CASK: variants seen among roughly 807,000 people sequenced by gnomAD.
CASK encodes the protein calcium/calmodulin dependent serine protein kinase, also known as peripheral plasma membrane protein CASK.
CASK carries 4 observed loss-of-function variants against 82.9 expected under a neutral mutation model. The ratio of observed to expected loss-of-function variants is 0.05; its 90% CI spans 0.02 to 0.11. The LOEUF (loss-of-function observed/expected upper bound fraction) is 0.11, where lower values mean the gene tolerates loss of function less well. CASK is among the 10% of genes least tolerant of loss of function. CASK has a pLI of 1.00. For missense variants in CASK, 358 were observed against 720.9 expected (o/e 0.50, Z 5.76); for synonymous variants, 259 against 253.5 (o/e 1.02, Z -0.20).
intron 1 of CASK, among the ~76,000 whole-genome samples, chrX:41,921,590 T>G (rs2072781879): frequency 9.0e-6 from 1 of 111,473 alleles, no homozygotes; most frequent in Non-Finnish European, 1.9e-5. Context: ...ATTTGGATAC[T>G]TTCCTTTTAA....
chrX:41,517,751 G>T lies in CASK; in HGVS notation c.*2669C>A, dbSNP rs1338792031. 4.2e-6 allele frequency: 3 copies of T among 713,596 alleles called. No individual in the cohort carries two copies. Among genetic ancestry groups the T allele is most frequent in the Non-Finnish European group, 6.3e-6 (3 of 474,056 alleles). The allele number at this position is 713,596 out of a possible 1,213,427, so 58.8% of individuals were successfully genotyped here. The stretch of plus-strand genomic sequence containing the variant: ...AGCAATTTTCTCTGATTGCTTAGTG[G>T]ACAATTGTAATGTAGCAGTAGCAGC... On this transcript the variant is annotated 3_prime_UTR_variant, in exon 27 of 27. Coordinates refer to ENST00000378163, the MANE Select transcript of CASK (RefSeq NM_001367721.1).
intron 12 of CASK, among the ~76,000 whole-genome samples, 153 bp downstream of exon 12, chrX:41,609,751 G>A (rs2066015909): frequency 9.2e-6 from 1 of 108,985 alleles, no homozygotes; most frequent in Non-Finnish European, 1.9e-5. Flanking sequence ...TAGAGACCAC[G>A]TTTCACCATG....
intron 5 of CASK, among the ~76,000 whole-genome samples, chrX:41,723,165 T>C (rs2068197378): frequency 8.9e-6 from 1 of 112,378 alleles, no homozygotes; most frequent in Non-Finnish European, 1.9e-5. Context: ...AAGGTAAGCA[T>C]TGCGGGTTTA....
At chrX:41,660,824 A>G (rs775772804) in intron 7 of CASK, among the ~76,000 whole-genome samples, 15 of 112,386 alleles carry the variant, frequency 1.3e-4, no homozygotes, top group Non-Finnish European at 2.6e-4. Context: ...ATTGAAGACT[A>G]GAATGTTCAT....
chrX:41,660,217 C>T (rs2067011486), intron 8 of CASK: 1 of 446,460 alleles, frequency 2.2e-6, no homozygotes, highest in Non-Finnish European at 3.9e-6. Context: ...CTGTCTTAAT[C>T]CTGTTTTTTA....
At position 41,576,498 on chromosome X, in the gene CASK, C is replaced by T. The variant is rs745888843; in HGVS notation, c.1503+1842G>A. Among the ~76,000 whole-genome samples the T allele has an allele frequency of 4.6e-4, 51 of 111,441 alleles. 1 individual carries two copies. The highest frequency in any genetic ancestry group is 4.3e-3 in the Admixed American group (45 of 10,432). On this transcript the variant is annotated intron_variant, in intron 15 of 26. Coordinates refer to ENST00000378163, the MANE Select transcript of CASK (RefSeq NM_001367721.1). The stretch of plus-strand genomic sequence containing the variant: ...TCATAACTGGGCTTGTTAAGTAAAC[C>T]GTGCTAAGCTACAAATTTACTTGTT...
At chrX:41,615,099 C>A (rs2066171140) in intron 11 of CASK, among the ~76,000 whole-genome samples, 1 of 111,985 alleles carries the variant, frequency 8.9e-6, no homozygotes, top group Admixed American at 9.5e-5. Flanking sequence ...AGCCACCATG[C>A]CCGGCTGGAT....
chrX:41,741,174 C>T (rs952384478), intron 4 of CASK, among the ~76,000 whole-genome samples: 2 of 111,678 alleles, frequency 1.8e-5, no homozygotes, highest in Non-Finnish European at 3.8e-5. Context: ...TGAGCCACCA[C>T]GCCTGGCCAT....
rs147770877 is a variant in CASK, at chrX:41,713,150, C to T, written c.429+26234G>A. ...GCAAGATGAACCCACTGGACAGTTA[C>T]ACAACCTGTGGTTATCAAGAAGGGT... On this transcript the variant is annotated intron_variant, in intron 5 of 26. Coordinates refer to ENST00000378163, the MANE Select transcript of CASK (RefSeq NM_001367721.1). 1.2e-3 allele frequency among the ~76,000 whole-genome samples: 134 copies of T among 112,192 alleles called. 1 individual carries two copies. The highest frequency in any genetic ancestry group is 9.2e-3 in the Middle Eastern group (2 of 217).
rs1312313652 is a variant in CASK at position 41,842,202 on chromosome X, A to G, written c.172+10913T>C. Among the ~76,000 whole-genome samples, 3 of 111,577 alleles carry G rather than the reference A, an allele frequency of 2.7e-5. No individual in the cohort carries two copies. In the East Asian group the frequency reaches 8.4e-4, roughly 31 times the overall value. ...TGTAAATATATGGATTTACTACTGG[A>G]TTGTTAATTCAATTTCATCAATCTA... is the stretch of plus-strand genomic sequence containing the variant. On this transcript the variant is annotated intron_variant, in intron 2 of 26. Transcript: ENST00000378163.
chrX:41,918,308 G>T (rs935199339), intron 1 of CASK, among the ~76,000 whole-genome samples: 2 of 111,819 alleles, frequency 1.8e-5, no homozygotes, highest in African/African-American at 6.5e-5. Context: ...TATACTTTAC[G>T]TATTATTAAT....
intron 5 of CASK, among the ~76,000 whole-genome samples, chrX:41,717,143 GTCCAGC>G (rs1048900763): frequency 4.5e-5 from 5 of 111,219 alleles, no homozygotes; most frequent in Admixed American, 9.6e-5. Context: ...CGATTGTGTG[GTCCAGC>G]TCCATCCAAT....
At chrX:41,573,452 T>C (rs752672412) in intron 15 of CASK, among the ~76,000 whole-genome samples, 1 of 110,931 alleles carries the variant, frequency 9.0e-6, no homozygotes, top group Non-Finnish European at 1.9e-5. Flanking sequence ...CAATTAACCA[T>C]GTATTAGGCT....
intron 12 of CASK, among the ~76,000 whole-genome samples, chrX:41,604,164 T>C (rs1234778887): frequency 3.7e-5 from 4 of 108,522 alleles, no homozygotes; most frequent in South Asian, 4.1e-4. Context: ...TTTGTGTAAT[T>C]TGCACTCACA....
intron 22 of CASK, among the ~76,000 whole-genome samples, chrX:41,538,838 G>A (rs2064910342): frequency 8.9e-6 from 1 of 111,756 alleles, no homozygotes; most frequent in African/African-American, 3.3e-5. Context: ...GGTAGCATTG[G>A]GTTAAGGAGT....
At chrX:41,537,818 T>TTTATTA (rs55857120) in intron 22 of CASK, among the ~76,000 whole-genome samples, 19,418 of 95,197 alleles carry the variant, frequency 0.2, 2,158 homozygotes, top group Non-Finnish European at 0.28. Flanking sequence ...GCCTATTACT[T>TTTATTA]TTATTATTAT....
At position 41,559,855 on chromosome X, in the gene CASK, G is replaced by T; in HGVS notation, c.1669-8C>A. 1 of 1,198,799 alleles carries T rather than the reference G, an allele frequency of 8.3e-7. No homozygotes were observed. The highest frequency in any genetic ancestry group is 3.0e-5 in the East Asian group (1 of 33,808). ...ACTCCCCCGCATTTCCCTCTGGAGG[G>T]GGGGTGGTGGGAAAGAAAGAAAAGT... On this transcript the variant is annotated splice_region_variant and splice_polypyrimidine_tract_variant and intron_variant, in intron 17 of 26. Coordinates refer to ENST00000378163, the MANE Select transcript of CASK (RefSeq NM_001367721.1).
chrX:41,837,858 C>A (rs1183779759), intron 2 of CASK, among the ~76,000 whole-genome samples: 1 of 111,619 alleles, frequency 9.0e-6, no homozygotes, highest in Non-Finnish European at 1.9e-5. Flanking sequence ...TGTACATTTC[C>A]CAGGAGTACA....
intron 5 of CASK, among the ~76,000 whole-genome samples, chrX:41,718,662 T>C (rs972021374): frequency 2.1e-4 from 23 of 112,032 alleles, no homozygotes; most frequent in African/African-American, 7.5e-4. Context: ...TGTGTGATTT[T>C]TTTTCTTTTT....
Sources: gnomAD v4.1 joint callset for allele counts (sites outside exome capture counted in the v4.1 genomes callset) on GRCh38, gnomAD v4.1.1 for gene constraint, MANE v1.5 for transcripts, NCBI Gene and HGNC (gene_info 2026-07-23, HGNC 2026-07-21) for gene names.